FGF12: variants seen among roughly 807,000 people sequenced by gnomAD.
FGF12 encodes fibroblast growth factor 12B.
FGF12 carries 14 observed loss-of-function variants against 23.6 expected under a neutral mutation model. That is an observed-to-expected ratio of 0.59 (90% CI 0.39 to 0.93). The LOEUF (loss-of-function observed/expected upper bound fraction) is 0.93, where lower values mean the gene tolerates loss of function less well. Ranked by LOEUF, FGF12 falls within the 40% of genes least tolerant of loss-of-function variation. FGF12 has a pLI of 0.00. For missense variants in FGF12, 175 were observed against 217.8 expected, an observed-to-expected ratio of 0.80 and a Z score of 1.24; for synonymous variants, 62 against 77.3, an observed-to-expected ratio of 0.80 and a Z score of 1.04.
At chr3:192,511,737 A>T (rs1003138484) in intron 2 of FGF12, among the ~76,000 whole-genome samples, 1 of 152,178 alleles carries the variant, frequency 6.6e-6, no homozygotes, top group Non-Finnish European at 1.5e-5. Flanking sequence ...AAAAAGAATC[A>T]TAAGAGACCC....
chr3:192,694,535 A>G (rs1718046073), intron 2 of FGF12, among the ~76,000 whole-genome samples: 1 of 152,100 alleles, frequency 6.6e-6, no homozygotes, highest in Non-Finnish European at 1.5e-5. Context: ...ATTGTGGTGT[A>G]TATACATATA....
chr3:192,233,355 G>T (rs1261087313), intron 4 of FGF12, among the ~76,000 whole-genome samples: 1 of 152,088 alleles, frequency 6.6e-6, no homozygotes, highest in Non-Finnish European at 1.5e-5. Context: ...GTCTTCTTTG[G>T]AAACGTGTCC....
At chr3:192,274,227 G>A (rs1713635073) in intron 4 of FGF12, among the ~76,000 whole-genome samples, 1 of 152,128 alleles carries the variant, frequency 6.6e-6, no homozygotes, top group Non-Finnish European at 1.5e-5. Flanking sequence ...TATCAAGGTA[G>A]AGCAGAGTAA....
At chr3:192,418,946 C>T (rs1421404735) in intron 2 of FGF12, among the ~76,000 whole-genome samples, 1 of 152,180 alleles carries the variant, frequency 6.6e-6, no homozygotes, top group Non-Finnish European at 1.5e-5. Flanking sequence ...TTATTAGACA[C>T]CTTCTACATA....
At chr3:192,686,736 A>G (rs756771001) in intron 2 of FGF12, among the ~76,000 whole-genome samples, 23 of 151,250 alleles carry the variant, frequency 1.5e-4, no homozygotes, top group Non-Finnish European at 3.1e-4. Flanking sequence ...AAGAATATCT[A>G]TATGTAACAA....
At position 192,183,318 on chromosome 3, in the gene FGF12, A is replaced by G. The variant is rs78204596; in HGVS notation, c.229-12662T>C. Among the ~76,000 whole-genome samples the G allele has an allele frequency of 3.3e-3, 502 of 152,218 alleles. 8 individuals carry two copies. The highest frequency in any genetic ancestry group is 0.031 in the East Asian group (160 of 5,180). On this transcript the variant is annotated intron_variant, in intron 4 of 5. Coordinates refer to ENST00000445105, the MANE Select transcript of FGF12 (RefSeq NM_004113.6). ...CATCTCACAGGTGTTTTCTGCTCAGACTCAATCAAGCCTGCATGGACTGTC... is the reference window on the plus strand; with the variant it reads ...CATCTCACAGGTGTTTTCTGCTCAGGCTCAATCAAGCCTGCATGGACTGTC...
At chr3:192,523,737 CT>C (rs1724876200) in intron 2 of FGF12, among the ~76,000 whole-genome samples, 3 of 152,178 alleles carry the variant, frequency 2.0e-5, no homozygotes, top group African/African-American at 7.2e-5. Flanking sequence ...AAATATAACC[CT>C]GCCCTCAGTG....
intron 2 of FGF12, among the ~76,000 whole-genome samples, chr3:192,569,661 A>G (rs1712504834): frequency 1.3e-5 from 2 of 152,214 alleles, no homozygotes; most frequent in South Asian, 4.1e-4. Flanking sequence ...CATTTTACGG[A>G]AGAGGAAATT....
chr3:192,674,498 A>G (rs1717250995), intron 2 of FGF12, among the ~76,000 whole-genome samples: 1 of 152,222 alleles, frequency 6.6e-6, no homozygotes, highest in Admixed American at 6.5e-5. Flanking sequence ...TAATTAAAGG[A>G]CGGTTTCGAA....
intron 2 of FGF12, among the ~76,000 whole-genome samples, chr3:192,532,213 G>T (rs115188620): frequency 0.011 from 1,688 of 152,206 alleles, 18 homozygotes; most frequent in Non-Finnish European, 0.019. Flanking sequence ...TTTTTGCTTA[G>T]TATTGCTTTG....
At chr3:192,567,553 A>G (rs1044979793) in intron 2 of FGF12, among the ~76,000 whole-genome samples, 13 of 152,106 alleles carry the variant, frequency 8.5e-5, no homozygotes, top group Non-Finnish European at 1.8e-4. Context: ...GGGGGCTTAA[A>G]ACAACTCTTC....
intron 2 of FGF12, among the ~76,000 whole-genome samples, chr3:192,379,473 T>G (rs1719723031): frequency 6.7e-6 from 1 of 150,190 alleles, no homozygotes; most frequent in African/African-American, 2.5e-5. Context: ...TTTTGTACTC[T>G]GTTATCTTCA....
At chr3:192,392,748 G>GT (rs1296444475) in intron 2 of FGF12, among the ~76,000 whole-genome samples, 5 of 152,050 alleles carry the variant, frequency 3.3e-5, no homozygotes, top group Non-Finnish European at 7.4e-5. Context: ...AAAGGCCTTT[G>GT]TTTTTTTCTC....
At chr3:192,497,290 C>T (rs974246283) in intron 2 of FGF12, among the ~76,000 whole-genome samples, 15 of 152,180 alleles carry the variant, frequency 9.9e-5, no homozygotes, top group African/African-American at 3.6e-4. Flanking sequence ...CAATCAATAG[C>T]AAATCTTGAC....
intron 5 of FGF12, among the ~76,000 whole-genome samples, chr3:192,147,963 CAA>C (rs767996064): frequency 1.9e-4 from 29 of 151,866 alleles, no homozygotes; most frequent in Admixed American, 1.2e-3. Context: ...AAGAAAGTAA[CAA>C]GAGTTGGTGA....
At chr3:192,644,643 T>C (rs1379741034) in intron 2 of FGF12, among the ~76,000 whole-genome samples, 1 of 152,180 alleles carries the variant, frequency 6.6e-6, no homozygotes, top group Non-Finnish European at 1.5e-5. Flanking sequence ...GGTACTATAA[T>C]AGGCTCTTTA....
intron 2 of FGF12, among the ~76,000 whole-genome samples, chr3:192,474,120 A>G (rs1214481410): frequency 6.6e-6 from 1 of 152,264 alleles, no homozygotes; most frequent in Non-Finnish European, 1.5e-5. Context: ...GATAAGAATG[A>G]TATCATATTG....
At chr3:192,334,661 G>A (rs374915598) in intron 4 of FGF12, among the ~76,000 whole-genome samples, 4 of 146,894 alleles carry the variant, frequency 2.7e-5, no homozygotes, top group African/African-American at 1.1e-4. Context: ...GCCACTGATG[G>A]CTACCTAATT....
At position 192,514,616 on chromosome 3, in the gene FGF12, G is replaced by T; in HGVS notation, c.14-154078C>A. 2.4e-6 allele frequency: 2 copies of T among 843,664 alleles called. No homozygotes were observed. The highest frequency in any genetic ancestry group is 2.9e-6 in the Non-Finnish European group (2 of 700,510). The allele number at this position is 843,664 out of a possible 1,614,324, so 52.3% of individuals were successfully genotyped here. On this transcript the variant is annotated intron_variant, in intron 2 of 5. Transcript: ENST00000445105. The surrounding 1 kb of genome is among the most constrained non-coding windows in gnomAD (Gnocchi z 4.9). ...CGGCGGAGAGGGCCCCGGAAGAAGG[G>T]AAGGGGGCATTCTGCAGTGTTTGGG...
Sources: gnomAD v4.1 joint callset for allele counts (sites outside exome capture counted in the v4.1 genomes callset) on GRCh38, gnomAD v4.1.1 for gene constraint, Gnocchi (gnomAD v3.1) non-coding constraint, MANE v1.5 for transcripts, NCBI Gene and HGNC (gene_info 2026-07-23, HGNC 2026-07-21) for gene names.